SGTA: variants seen among roughly 807,000 people sequenced by gnomAD.
The protein encoded by SGTA is small glutamine-rich tetratricopeptide repeat-containing protein alpha.
Under a neutral mutation model 44.3 loss-of-function variants are expected in SGTA, and 22 were observed. The observed-to-expected ratio is 0.50, with a 90% CI of 0.36 to 0.71. The LOEUF (loss-of-function observed/expected upper bound fraction) is 0.71. Among genes scored for constraint, SGTA ranks in the 30% least tolerant of loss-of-function variants. The probability of loss-of-function intolerance (pLI) is 0.00; values close to 1 mark genes in which losing one functional copy is unlikely to be tolerated. For missense variants in SGTA, 341 were observed against 435.9 expected (o/e 0.78, Z 1.94); for synonymous variants, 174 against 177.6 (o/e 0.98, Z 0.16).
At chr19:2,772,076 A>G (rs1388405795) in intron 1 of SGTA, among the ~76,000 whole-genome samples, 1 of 152,240 alleles carries the variant, frequency 6.6e-6, no homozygotes, top group Non-Finnish European at 1.5e-5. Flanking sequence ...CAGCCCGTGC[A>G]TAGTGGACCT....
At position 2,765,257 on chromosome 19, in the gene SGTA, A is replaced by G. The variant is rs755378502; in HGVS notation, c.321T>C (p.Phe107=). The part of the protein sequence containing the change: ...EGNEQMKVEN[F]EAAVHFYGKA... ...TTCCGTAGAAATGCACGGCAGCTTC[A>G]AAGTTTTCCACTTTCATCTGCTCGT... Residue 107 remains phenylalanine, a synonymous_variant, in exon 5 of 12, where the codon TTT becomes TTC. Coordinates refer to ENST00000221566, the MANE Select transcript of SGTA (RefSeq NM_003021.4). The surrounding 1 kb of genome is among the most constrained non-coding windows in gnomAD (Gnocchi z 5.5). 18 of 1,613,134 alleles carry G rather than the reference A, an allele frequency of 1.1e-5. No homozygotes were observed. The East Asian group carries it at 3.8e-4, about 34-fold the overall frequency.
chr19:2,759,383 G>T, intron 8 of SGTA, 89 bp from the exon 9 acceptor site: 2 of 1,258,600 alleles, frequency 1.6e-6, no homozygotes, highest in Non-Finnish European at 2.3e-6. Context: ...ACCAGCCTTG[G>T]TTCTGGACTC....
chr19:2,767,746 G>T lies in SGTA; in HGVS notation c.101-60C>A. On this transcript the variant is annotated intron_variant, in intron 2 of 11. Transcript: ENST00000221566. The surrounding 1 kb of genome is among the most constrained non-coding windows in gnomAD (Gnocchi z 7.3). ...ACGCAGCCCCGAGGTTACGTTTTTG[G>T]GTCTAGAGGGCGGGGTTGGTGCTCA... The T allele has an allele frequency of 7.4e-7, 1 of 1,348,280 alleles. No individual in the cohort carries two copies. Among genetic ancestry groups the T allele is most frequent in the Non-Finnish European group, 1.1e-6 (1 of 942,334 alleles). 83.5% of individuals were successfully genotyped at this position (1,348,280 alleles called of 1,614,324 possible). A position where few individuals can be genotyped will look rare whatever the true frequency, so the allele number is the denominator to read the frequency against.
chr19:2,759,249 T>C lies in SGTA; in HGVS notation c.737+8A>G, dbSNP rs753313538. 3.1e-6 allele frequency: 5 copies of C among 1,613,780 alleles called. No individual in the cohort carries two copies. The highest frequency in any genetic ancestry group is 4.2e-6 in the Non-Finnish European group (5 of 1,179,710). Reference sequence around the variant, plus strand: ...AACAAGACCCGAAGAAACCCGGTTGTCACTTACAGCTGCTGAATCTGGGGA... The same window carrying C: ...AACAAGACCCGAAGAAACCCGGTTGCCACTTACAGCTGCTGAATCTGGGGA... On this transcript the variant is annotated splice_region_variant and intron_variant, in intron 9 of 11. Coordinates refer to ENST00000221566, the MANE Select transcript of SGTA (RefSeq NM_003021.4).
rs1915092247 is a variant in SGTA, at chr19:2,764,733, A to G, written c.392+453T>C. On this transcript the variant is annotated intron_variant, in intron 5 of 11. Transcript: ENST00000221566. ...TGGTGCCCACCACTACACCCGGCTA[A>G]TTTTGTATTTTTAGTAAAGACGGGG... 2.6e-5 allele frequency among the ~76,000 whole-genome samples: 4 copies of G among 151,930 alleles called. No homozygotes were observed. The South Asian group carries it at 8.3e-4, about 32-fold the overall frequency.
chr19:2,763,014 C>T lies in SGTA; in HGVS notation c.498-370G>A, dbSNP rs565593681. Among the ~76,000 whole-genome samples, 4 of 152,048 alleles carry T rather than the reference C, an allele frequency of 2.6e-5. No individual in the cohort carries two copies. Among genetic ancestry groups the T allele is most frequent in the East Asian group, 2.0e-4 (1 of 5,128 alleles). ...ACCAAGGACCCTCGGAACCTCTGAG[C>T]GACAGACATGTCTCCCGTCATCCAC... On this transcript the variant is annotated intron_variant, in intron 6 of 11. Transcript: ENST00000221566. The surrounding 1 kb of genome is among the most constrained non-coding windows in gnomAD (Gnocchi z 5.8).
chr19:2,777,510 C>T (rs546896428), intron 1 of SGTA: 1 of 152,174 alleles, frequency 6.6e-6, no homozygotes, highest in East Asian at 1.9e-4. Flanking sequence ...TGTGATCACA[C>T]CAATGCACTC....
rs150019838 is a variant in SGTA at position 2,755,905 on chromosome 19, A to AG, written c.*34dup. ...CCAGAAGGCTTCCTTCGGGTCGGCC[A>AG]GGGAAGGACGCGGTCACACCGGGAG... On this transcript the variant is annotated 3_prime_UTR_variant, in exon 12 of 12. Transcript: ENST00000221566. This position sits in a 1 kb window ranked among gnomAD's most constrained non-coding sequence, Gnocchi z 5.2. The AG allele has an allele frequency of 1.3e-4, 133 of 985,842 alleles. No individual in the cohort carries two copies. The African/African-American group carries it at 2.2e-3, about 17-fold the overall frequency. The allele number at this position is 985,842 out of a possible 1,614,324, so 61.1% of individuals were successfully genotyped here.
chr19:2,757,577 G>A (rs1914859284), intron 10 of SGTA, 116 bp downstream of exon 10: 1 of 1,469,206 alleles, frequency 6.8e-7, no homozygotes, highest in Non-Finnish European at 9.1e-7. Context: ...CTCGCTGGAG[G>A]ACGCTGGGCC....
intron 7 of SGTA, among the ~76,000 whole-genome samples, chr19:2,762,006 G>A (rs1294482825): frequency 6.6e-6 from 1 of 152,162 alleles, no homozygotes. Flanking sequence ...TCCTGGAGTA[G>A]CCAATTCCCA....
At position 2,765,579 on chromosome 19, in the gene SGTA, AC is replaced by A. The variant is rs1214518065; in HGVS notation, c.293-295del. ...GGTGGCTGTCACTGCCTGGATGGCG[AC>A]CCCGGGAGCAGAACAGTTAATACAG... On this transcript the variant is annotated intron_variant, in intron 4 of 11. Coordinates refer to ENST00000221566, the MANE Select transcript of SGTA (RefSeq NM_003021.4). The surrounding 1 kb of genome is among the most constrained non-coding windows in gnomAD (Gnocchi z 5.5). Among the ~76,000 whole-genome samples, 5 of 151,192 alleles carry A rather than the reference AC, an allele frequency of 3.3e-5. No individual in the cohort carries two copies. Among genetic ancestry groups the A allele is most frequent in the Admixed American group, 2.6e-4 (4 of 15,196 alleles).
rs1256924801 is a variant in SGTA at position 2,763,950 on chromosome 19, GGCTCAAA to G, written c.393-200_393-194del. Reference sequence around the variant, plus strand: ...ACTGAGATGCTCTTAGACAAATGTGGGCTCAAAGCACCAGCAGCCACTCAGGACTGCG... The same window carrying G: ...ACTGAGATGCTCTTAGACAAATGTGGGCACCAGCAGCCACTCAGGACTGCG... On this transcript the variant is annotated intron_variant, in intron 5 of 11. Coordinates refer to ENST00000221566, the MANE Select transcript of SGTA (RefSeq NM_003021.4). The surrounding 1 kb of genome is among the most constrained non-coding windows in gnomAD (Gnocchi z 5.8). Among the ~76,000 whole-genome samples, 1 of 152,104 alleles carries G rather than the reference GGCTCAAA, an allele frequency of 6.6e-6. No individual in the cohort carries two copies. Among genetic ancestry groups the G allele is most frequent in the Non-Finnish European group, 1.5e-5 (1 of 68,026 alleles).
chr19:2,771,124 T>C (rs375837438), intron 1 of SGTA, among the ~76,000 whole-genome samples: 4 of 152,340 alleles, frequency 2.6e-5, no homozygotes, highest in African/African-American at 9.6e-5. Context: ...CTGCGATATC[T>C]GTTGTTAATA....
Position 2,757,345 on chromosome 19 carries a change from A to G in SGTA, c.940T>C (p.Ter314ArgextTer7). The change falls in exon 11 of 12, where the codon TGA becomes CGA. Residue 314 changes from the stop codon to arginine (R), a stop_lost. Coordinates refer to ENST00000221566, the MANE Select transcript of SGTA (RefSeq NM_003021.4). ...PSASNDDQQE* is the reference protein window; with the variant it reads ...PSASNDDQQER Reference sequence around the variant, plus strand: ...CGGCCCCATGCACTCACGCAGCGTCACTCCTGCTGGTCGTCGTTGCTGGCG... The same window carrying G: ...CGGCCCCATGCACTCACGCAGCGTCGCTCCTGCTGGTCGTCGTTGCTGGCG... 6.2e-7 allele frequency: 1 copy of G among 1,601,332 alleles called. No individual in the cohort carries two copies. Among genetic ancestry groups the G allele is most frequent in the South Asian group, 1.1e-5 (1 of 91,038 alleles).
Position 2,769,089 on chromosome 19 carries a change from T to C in SGTA, c.-21A>G, listed in dbSNP as rs771027617. 1.9e-6 allele frequency: 3 copies of C among 1,601,212 alleles called. No individual in the cohort carries two copies. Among genetic ancestry groups the C allele is most frequent in the South Asian group, 2.2e-5 (2 of 90,864 alleles). ...TCCATCTTGAGCCCAGAAGAGGTGA[T>C]ACCTGGGGGTGCAGGAAAAACCCCC... On this transcript the variant is annotated splice_region_variant and 5_prime_UTR_variant, in exon 2 of 12. Coordinates refer to ENST00000221566, the MANE Select transcript of SGTA (RefSeq NM_003021.4).
Position 2,759,243 on chromosome 19 carries a change from C to T in SGTA, c.737+14G>A, listed in dbSNP as rs138682017. 1.5e-3 allele frequency: 2,463 copies of T among 1,613,240 alleles called. 37 individuals are homozygous for T. The African/African-American group carries it at 0.029, about 19-fold the overall frequency. ...AACCACAACAAGACCCGAAGAAACC[C>T]GGTTGTCACTTACAGCTGCTGAATC... On this transcript the variant is annotated intron_variant, in intron 9 of 11. Coordinates refer to ENST00000221566, the MANE Select transcript of SGTA (RefSeq NM_003021.4).
At chr19:2,777,041 T>C (rs1235102641) in intron 1 of SGTA, among the ~76,000 whole-genome samples, 2 of 151,188 alleles carry the variant, frequency 1.3e-5, no homozygotes, top group African/African-American at 4.9e-5. Context: ...GGCAGGCGGA[T>C]CACCTGACAT....
intron 11 of SGTA, among the ~76,000 whole-genome samples, 160 bp downstream of exon 11, chr19:2,757,177 G>A (rs1906698096): frequency 6.6e-6 from 1 of 152,198 alleles, no homozygotes. Context: ...GGCGGTTCAG[G>A]GTGATCTTCT....
chr19:2,767,201 C>T lies in SGTA; in HGVS notation c.227G>A (p.Arg76Lys). 6.2e-7 allele frequency: 1 copy of T among 1,611,578 alleles called. No homozygotes were observed. Among genetic ancestry groups the T allele is most frequent in the Non-Finnish European group, 8.5e-7 (1 of 1,179,244 alleles). Reference protein sequence around the residue: ...ATGKEMPQDLRSPARTPPSEE... With the variant: ...ATGKEMPQDLKSPARTPPSEE... ...GGAAGGCGGGGTTCGCGCGGGGCTC[C>T]TCAGGTCCTGCGGCATCTCCTGGAC... is the stretch of plus-strand genomic sequence containing the variant. Residue 76 changes from arginine (R) to lysine (K), a missense_variant, in exon 4 of 12, where the codon AGG becomes AAG. By Grantham distance (26) the Arg-to-Lys change is conservative. Transcript: ENST00000221566. This position sits in a 1 kb window ranked among gnomAD's most constrained non-coding sequence, Gnocchi z 7.3.
Sources: allele counts gnomAD v4.1 joint callset (sites outside exome capture counted in the v4.1 genomes callset), GRCh38; gene constraint gnomAD v4.1.1; non-coding constraint Gnocchi (gnomAD v3.1); transcripts MANE v1.5; gene names NCBI Gene and HGNC (gene_info 2026-07-23, HGNC 2026-07-21).